ZC3H12B: variants seen among roughly 807,000 people sequenced by gnomAD.
ZC3H12B encodes zinc finger CCCH-type containing 12B, also known as probable ribonuclease ZC3H12B.
Under a neutral mutation model 43.9 loss-of-function variants are expected in ZC3H12B, and 7 were observed. That is an observed-to-expected ratio of 0.16 (90% CI 0.09 to 0.30). The LOEUF (loss-of-function observed/expected upper bound fraction) is 0.30, where lower values mean the gene tolerates loss of function less well. Ranked by LOEUF, ZC3H12B falls within the 10% of genes least tolerant of loss-of-function variation. The pLI is 1.00. For missense variants in ZC3H12B, 475 were observed against 670.2 expected (o/e 0.71, Z 3.22); for synonymous variants, 222 against 241.7 (o/e 0.92, Z 0.76).
chrX:65,340,314 T>C, the ZC3H12B span, among the ~76,000 whole-genome samples: 1 of 111,998 alleles, frequency 8.9e-6, no homozygotes, highest in Non-Finnish European at 1.9e-5. Context: ...CACATACACA[T>C]GTATCTCAGC....
At chrX:65,183,438 A>G in the ZC3H12B span, among the ~76,000 whole-genome samples, 1 of 111,259 alleles carries the variant, frequency 9.0e-6, no homozygotes, top group Non-Finnish European at 1.9e-5. Flanking sequence ...GGGGGTGAGG[A>G]TCGAAAAACT....
At chrX:65,265,300 C>G in the ZC3H12B span, among the ~76,000 whole-genome samples, 1 of 111,835 alleles carries the variant, frequency 8.9e-6, no homozygotes, top group Non-Finnish European at 1.9e-5. Context: ...TAACGAATAT[C>G]TGATACAGTG....
chrX:65,056,444 G>T, the ZC3H12B span, among the ~76,000 whole-genome samples: 1 of 111,504 alleles, frequency 9.0e-6, no homozygotes, highest in African/African-American at 3.3e-5. Flanking sequence ...ATTGCACTGT[G>T]GTCTCAGAGA....
chrX:65,126,985 A>T, the ZC3H12B span, among the ~76,000 whole-genome samples: 1 of 110,194 alleles, frequency 9.1e-6, no homozygotes, highest in Non-Finnish European at 1.9e-5. Context: ...CGACCTGCTG[A>T]ATTCTTTTTC....
chrX:65,416,068 A>G (rs2066956501), intron 3 of ZC3H12B, among the ~76,000 whole-genome samples: 1 of 111,890 alleles, frequency 8.9e-6, no homozygotes, highest in Non-Finnish European at 1.9e-5. Context: ...GTCTGAACAG[A>G]ATTAAACTTC....
the ZC3H12B span, among the ~76,000 whole-genome samples, chrX:65,220,840 G>GA: frequency 1.8e-5 from 2 of 111,318 alleles, no homozygotes; most frequent in African/African-American, 3.3e-5. Context: ...TTATACCCTA[G>GA]AAAAAATGGA....
chrX:65,226,546 G>A, the ZC3H12B span, among the ~76,000 whole-genome samples: 1 of 111,451 alleles, frequency 9.0e-6, no homozygotes, highest in South Asian at 3.8e-4. Flanking sequence ...AACTTTAAAT[G>A]TAAATGGACT....
At chrX:65,321,113 A>G in the ZC3H12B span, among the ~76,000 whole-genome samples, 1 of 111,940 alleles carries the variant, frequency 8.9e-6, no homozygotes, top group East Asian at 2.8e-4. Context: ...GACAACCTAC[A>G]GAATGGAAGA....
At chrX:65,380,345 T>A (rs2066418470) in intron 2 of ZC3H12B, among the ~76,000 whole-genome samples, 1 of 111,473 alleles carries the variant, frequency 9.0e-6, no homozygotes, top group African/African-American at 3.3e-5. Flanking sequence ...GAATTTCATA[T>A]CCAGCCAAAC....
At chrX:65,343,480 C>T in the ZC3H12B span, among the ~76,000 whole-genome samples, 1 of 111,626 alleles carries the variant, frequency 9.0e-6, no homozygotes, top group Non-Finnish European at 1.9e-5. Flanking sequence ...TTATCTGACA[C>T]CATCAGGAAA....
At chrX:65,149,070 G>T in the ZC3H12B span, among the ~76,000 whole-genome samples, 4 of 111,724 alleles carry the variant, frequency 3.6e-5, no homozygotes, top group Non-Finnish European at 7.5e-5. Flanking sequence ...TAGGACTTGT[G>T]AAGGAGAGAC....
the ZC3H12B span, among the ~76,000 whole-genome samples, chrX:65,059,605 G>T: frequency 9.9e-5 from 11 of 111,023 alleles, no homozygotes; most frequent in East Asian, 2.9e-3. Context: ...CAGTACCATG[G>T]TTTTTTGGTT....
At chrX:65,164,303 A>G in the ZC3H12B span, among the ~76,000 whole-genome samples, 2 of 111,411 alleles carry the variant, frequency 1.8e-5, no homozygotes, top group African/African-American at 6.5e-5. Context: ...TTATAGAACC[A>G]GTTGAATCAG....
At chrX:65,269,391 A>C in the ZC3H12B span, among the ~76,000 whole-genome samples, 1 of 110,907 alleles carries the variant, frequency 9.0e-6, no homozygotes, top group African/African-American at 3.3e-5. Context: ...AGAAAGAAAA[A>C]TCACTATTAT....
At chrX:65,442,548 T>C (rs1038407163) in intron 3 of ZC3H12B, among the ~76,000 whole-genome samples, 1 of 111,468 alleles carries the variant, frequency 9.0e-6, no homozygotes, top group East Asian at 2.8e-4. Flanking sequence ...TCTGCAGTTA[T>C]ATTAATCTGA....
exon 5 of ZC3H12B, chrX:65,502,854 G>A: frequency 1.7e-6 from 2 of 1,211,009 alleles, no homozygotes; most frequent in Non-Finnish European, 2.2e-6. Flanking sequence ...AGGCAAAGAC[G>A]ACCTCCCCTG....
chrX:65,207,038 A>G, the ZC3H12B span, among the ~76,000 whole-genome samples: 6 of 109,936 alleles, frequency 5.5e-5, no homozygotes, highest in East Asian at 1.7e-3. Flanking sequence ...GTGAAAAGGG[A>G]ACACTTTTAC....
At chrX:65,383,848 T>A (rs1361084211) in intron 2 of ZC3H12B, among the ~76,000 whole-genome samples, 6 of 109,057 alleles carry the variant, frequency 5.5e-5, no homozygotes, top group Non-Finnish European at 3.8e-5. Context: ...AGAATGGCAA[T>A]CATTAAAAAG....
the ZC3H12B span, among the ~76,000 whole-genome samples, chrX:65,077,344 T>C: frequency 5.4e-5 from 6 of 111,773 alleles, no homozygotes; most frequent in Non-Finnish European, 1.1e-4. Context: ...GGGTTTGGAA[T>C]GGAAATTGGG....
Sources: allele counts gnomAD v4.1 joint callset (sites outside exome capture counted in the v4.1 genomes callset), GRCh38; gene constraint gnomAD v4.1.1; transcripts MANE v1.5; gene names NCBI Gene and HGNC (gene_info 2026-07-23, HGNC 2026-07-21).